The following GATAD2B variants were observed in gnomAD, a reference collection of about 807,000 sequenced individuals.
The protein encoded by GATAD2B is transcriptional repressor p66-beta.
GATAD2B carries 8 observed loss-of-function variants against 64.3 expected under a neutral mutation model. The observed-to-expected ratio is 0.12, with a 90% confidence interval of 0.07 to 0.22. The LOEUF (loss-of-function observed/expected upper bound fraction) is 0.22, where lower values mean the gene tolerates loss of function less well. GATAD2B is among the 10% of genes least tolerant of loss of function. The pLI, the probability that GATAD2B is intolerant of heterozygous loss-of-function variation, is 1.00. For synonymous variants in GATAD2B, 281 were observed against 271.3 expected, an observed-to-expected ratio of 1.04 and a Z score of -0.35; for missense variants, 453 against 752.0, an observed-to-expected ratio of 0.60 and a Z score of 4.65.
chr1:153,908,734 C>G (rs1250361056), intron 1 of GATAD2B, among the ~76,000 whole-genome samples: 1 of 141,948 alleles, frequency 7.0e-6, no homozygotes, highest in Non-Finnish European at 1.5e-5. Context: ...TCCCAAAGTG[C>G]TGGGATTACA....
intron 1 of GATAD2B, among the ~76,000 whole-genome samples, chr1:153,861,765 G>A (rs1322549595): frequency 8.2e-6 from 1 of 122,664 alleles, no homozygotes; most frequent in African/African-American, 3.0e-5. Flanking sequence ...CTGGGCAACA[G>A]AGCGAGACTC....
intron 4 of GATAD2B, among the ~76,000 whole-genome samples, chr1:153,818,537 A>G (rs1453440956): frequency 1.3e-5 from 2 of 151,766 alleles, no homozygotes; most frequent in Non-Finnish European, 2.9e-5. Context: ...GATGCTCTCG[A>G]TCTCCTGACC....
intron 1 of GATAD2B, among the ~76,000 whole-genome samples, chr1:153,904,279 CAAATAAATAAATAAAT>C (rs71093301): frequency 9.0e-4 from 132 of 147,346 alleles, no homozygotes; most frequent in Non-Finnish European, 1.4e-3. Flanking sequence ...AACTCCATCT[CAAATAAATAAATAAAT>C]AAATAAATAA....
At chr1:153,903,563 A>G (rs1354540016) in intron 1 of GATAD2B, among the ~76,000 whole-genome samples, 1 of 152,218 alleles carries the variant, frequency 6.6e-6, no homozygotes, top group Non-Finnish European at 1.5e-5. Context: ...TAACAAAATA[A>G]TAGCGATGAA....
Position 153,811,744 on chromosome 1 carries a change from G to A in GATAD2B, c.1635C>T (p.Leu545=), listed in dbSNP as rs1258418810. ...QAPQLSVPGG[L]LGMPGVNIAY... ...AATCCTTCTTACCTGGCATACCAAG[G>A]AGGCCACCTGGCACAGACAACTGGG... is the stretch of plus-strand genomic sequence containing the variant. The change falls in exon 10 of 11, where the codon CTC becomes CTT. Residue 545 remains leucine, a synonymous_variant. Coordinates refer to ENST00000368655, the MANE Select transcript of GATAD2B (RefSeq NM_020699.4). 4 of 1,607,072 alleles carry A rather than the reference G, an allele frequency of 2.5e-6. No homozygotes were observed. In the African/African-American group the frequency reaches 4.0e-5, roughly 16 times the overall value.
intron 1 of GATAD2B, among the ~76,000 whole-genome samples, chr1:153,912,642 G>C (rs1678138529): frequency 6.6e-6 from 1 of 152,152 alleles, no homozygotes; most frequent in African/African-American, 2.4e-5. Flanking sequence ...CCATGTAAAT[G>C]TTAAAGAGTG....
At chr1:153,886,726 TTTTTTCGTA>T (rs1677197955) in intron 1 of GATAD2B, among the ~76,000 whole-genome samples, 1 of 151,408 alleles carries the variant, frequency 6.6e-6, no homozygotes, top group Non-Finnish European at 1.5e-5. Flanking sequence ...TAATTTTTTT[TTTTTTCGTA>T]TTTTTAGTAG....
chr1:153,819,016 C>T (rs945674651), intron 3 of GATAD2B, 94 bp from the exon 4 acceptor site: 8 of 1,271,902 alleles, frequency 6.3e-6, no homozygotes, highest in Non-Finnish European at 8.8e-6. Flanking sequence ...CTGAAACCTT[C>T]ATCTTCCACA....
chr1:153,894,612 T>A (rs1447844881), intron 1 of GATAD2B, among the ~76,000 whole-genome samples: 1 of 151,162 alleles, frequency 6.6e-6, no homozygotes, highest in Non-Finnish European at 1.5e-5. Flanking sequence ...CCTGTAATCC[T>A]AGCACTTTGG....
intron 1 of GATAD2B, among the ~76,000 whole-genome samples, chr1:153,896,697 A>G (rs1677604927): frequency 1.3e-5 from 2 of 152,114 alleles, no homozygotes; most frequent in Admixed American, 6.6e-5. Context: ...CGGCCTCCCA[A>G]AGTGCTGGGA....
intron 1 of GATAD2B, among the ~76,000 whole-genome samples, chr1:153,906,016 G>A (rs1205352793): frequency 5.4e-5 from 8 of 148,582 alleles, no homozygotes; most frequent in African/African-American, 1.5e-4. Flanking sequence ...GCACTGGGCC[G>A]AGATCACGCC....
chr1:153,913,875 G>T (rs1210347023), intron 1 of GATAD2B, among the ~76,000 whole-genome samples: 1 of 137,244 alleles, frequency 7.3e-6, no homozygotes, highest in Non-Finnish European at 1.6e-5. Flanking sequence ...AGCCGAGATC[G>T]TGCCACTGCA....
chr1:153,915,882 A>G (rs909407660), intron 1 of GATAD2B, among the ~76,000 whole-genome samples: 2 of 152,204 alleles, frequency 1.3e-5, no homozygotes, highest in Non-Finnish European at 2.9e-5. Flanking sequence ...TTTACATTTT[A>G]ATCTTTTAAT....
Position 153,809,642 on chromosome 1 carries a change from A to G in GATAD2B, c.*535T>C, listed in dbSNP as rs950513538. 1.3e-5 allele frequency: 2 copies of G among 150,546 alleles called. No individual in the cohort carries two copies. The highest frequency in any genetic ancestry group is 1.3e-4 in the Admixed American group (2 of 14,840). The allele number at this position is 150,546 out of a possible 1,614,324, so 9.3% of individuals were successfully genotyped here. A position where few individuals can be genotyped will look rare whatever the true frequency, so the allele number is the denominator to read the frequency against. ...CCCCTAACACTCCTAGTCATGTCCT[A>G]CTTGGCAGCTGGGACCCCTACTGCA... On this transcript the variant is annotated 3_prime_UTR_variant, in exon 11 of 11. Transcript: ENST00000368655.
chr1:153,868,549 G>A (rs1468764871), intron 1 of GATAD2B, among the ~76,000 whole-genome samples: 1 of 152,008 alleles, frequency 6.6e-6, no homozygotes, highest in Non-Finnish European at 1.5e-5. Context: ...ATAAACTTAT[G>A]TTTTAAAACT....
At chr1:153,909,143 T>G (rs1462943413) in intron 1 of GATAD2B, among the ~76,000 whole-genome samples, 1 of 152,136 alleles carries the variant, frequency 6.6e-6, no homozygotes, top group African/African-American at 2.4e-5. Context: ...AAGTGAGGGC[T>G]GTAGTGAGCC....
chr1:153,841,444 C>T (rs1675494742), intron 1 of GATAD2B, among the ~76,000 whole-genome samples: 1 of 152,164 alleles, frequency 6.6e-6, no homozygotes, highest in South Asian at 2.1e-4. Flanking sequence ...TACCCTATCC[C>T]CTCCCATCTC....
At chr1:153,906,377 C>T (rs939622613) in intron 1 of GATAD2B, among the ~76,000 whole-genome samples, 3 of 152,132 alleles carry the variant, frequency 2.0e-5, no homozygotes, top group Admixed American at 6.6e-5. Context: ...CAAGATTGTG[C>T]CACTGCACTC....
chr1:153,835,006 A>C (rs193266025), intron 1 of GATAD2B, among the ~76,000 whole-genome samples: 172 of 152,034 alleles, frequency 1.1e-3, no homozygotes, highest in Non-Finnish European at 2.0e-3. Flanking sequence ...CACCTCACTC[A>C]GGAGAGTGAG....
Sources: gnomAD v4.1 joint callset for allele counts (sites outside exome capture counted in the v4.1 genomes callset) on GRCh38, gnomAD v4.1.1 for gene constraint, MANE v1.5 for transcripts, NCBI Gene and HGNC (gene_info 2026-07-23, HGNC 2026-07-21) for gene names.